Variants in ADAMTS20 observed in about 807,000 individuals in gnomAD.
ADAMTS20 encodes A disintegrin and metalloproteinase with thrombospondin motifs 20.
Under a neutral mutation model 260.1 loss-of-function variants are expected in ADAMTS20, and 225 were observed. The observed-to-expected ratio is 0.87, with a 90% CI of 0.78 to 0.97. The LOEUF (loss-of-function observed/expected upper bound fraction) is 0.97, where lower values mean the gene tolerates loss of function less well. Ranked by LOEUF, ADAMTS20 falls within the 50% of genes least tolerant of loss-of-function variation. The probability of loss-of-function intolerance (pLI) is 0.00; values close to 1 mark genes in which losing one functional copy is unlikely to be tolerated. For synonymous variants in ADAMTS20, 802 were observed against 769.5 expected, an observed-to-expected ratio of 1.04 and a Z score of -0.70; for missense variants, 2,400 against 2,337.7, an observed-to-expected ratio of 1.03 and a Z score of -0.55.
chr12:43,534,368 G>C (rs767103103), intron 2 of ADAMTS20, among the ~76,000 whole-genome samples: 1 of 152,168 alleles, frequency 6.6e-6, no homozygotes, highest in Non-Finnish European at 1.5e-5. Context: ...ATACATTAGT[G>C]TTGAAAATAT....
intron 9 of ADAMTS20, 61 bp from the exon 10 acceptor site, chr12:43,464,793 C>G: frequency 6.6e-7 from 1 of 1,505,816 alleles, no homozygotes; most frequent in Non-Finnish European, 8.9e-7. Flanking sequence ...CAGTATGATT[C>G]TTTATCACAT....
At chr12:43,416,449 A>G (rs1941131241) in intron 28 of ADAMTS20, among the ~76,000 whole-genome samples, 1 of 151,734 alleles carries the variant, frequency 6.6e-6, no homozygotes, top group Admixed American at 6.6e-5. Flanking sequence ...TCATATTTCT[A>G]ACTTTATGCC....
intron 3 of ADAMTS20, 100 bp downstream of exon 3, chr12:43,531,932 AAAAT>A (rs1565584386): frequency 1.1e-5 from 9 of 792,712 alleles, no homozygotes; most frequent in Non-Finnish European, 1.3e-5. Context: ...AAATTAATTA[AAAAT>A]AAATAAAATA....
chr12:43,500,998 C>G (rs1942750132), intron 4 of ADAMTS20, among the ~76,000 whole-genome samples: 2 of 150,452 alleles, frequency 1.3e-5, no homozygotes, highest in Admixed American at 6.6e-5. Context: ...AGAAGTACTT[C>G]CAGCAATGAG....
chr12:43,530,269 C>T (rs1049057222), intron 3 of ADAMTS20, among the ~76,000 whole-genome samples: 2 of 152,000 alleles, frequency 1.3e-5, no homozygotes, highest in East Asian at 3.9e-4. Flanking sequence ...CAGAATATTA[C>T]TTTGTGGTTT....
In ADAMTS20 at chr12:43,432,642, T is replaced by C; in HGVS notation, c.2890A>G (p.Asn964Asp). Residue 964 changes from asparagine to aspartate, a missense_variant, in exon 20 of 39, where the codon AAC becomes GAC. By Grantham distance (23) the Asn-to-Asp change is conservative (BLOSUM62 1). Transcript: ENST00000389420. ...KPPTQELCHG[N>D]CVFTRWHYSE... ...TAATGCCATCTTGTGAAGACACAGTTACCATGGCATAGTTCTTGGGTAGGA... is the reference window on the plus strand; with the variant it reads ...TAATGCCATCTTGTGAAGACACAGTCACCATGGCATAGTTCTTGGGTAGGA... 6.2e-7 allele frequency: 1 copy of C among 1,613,950 alleles called. No individual in the cohort carries two copies. The highest frequency in any genetic ancestry group is 8.5e-7 in the Non-Finnish European group (1 of 1,179,860).
At chr12:43,498,226 G>T (rs1240391836) in intron 4 of ADAMTS20, among the ~76,000 whole-genome samples, 1 of 152,110 alleles carries the variant, frequency 6.6e-6, no homozygotes, top group Non-Finnish European at 1.5e-5. Flanking sequence ...ACAACATTAA[G>T]TGCAACTAAA....
Position 43,376,592 on chromosome 12 carries a change from C to G in ADAMTS20, c.5057G>C (p.Gly1686Ala). ...GTTTAAACATAAGTCACTGGACAAACCATGTTTGGTAATGCATTTCACTTG... is the reference window on the plus strand; with the variant it reads ...GTTTAAACATAAGTCACTGGACAAAGCATGTTTGGTAATGCATTTCACTTG... ...KRQVKCITKH[G>A]LSSDLCLNHL... The change falls in exon 33 of 39, where the codon GGT (glycine) becomes GCT (alanine). Residue 1686 changes from glycine (G) to alanine (A), a missense_variant. Physicochemically the swap from Gly to Ala is moderately conservative, Grantham distance 60. Coordinates refer to ENST00000389420, the MANE Select transcript of ADAMTS20 (RefSeq NM_025003.5). 6.2e-7 allele frequency: 1 copy of G among 1,613,660 alleles called. No homozygotes were observed. Among genetic ancestry groups the G allele is most frequent in the Non-Finnish European group, 8.5e-7 (1 of 1,179,724 alleles).
At chr12:43,448,629 C>T (rs1044631648) in intron 14 of ADAMTS20, among the ~76,000 whole-genome samples, 49 of 151,956 alleles carry the variant, frequency 3.2e-4, no homozygotes, top group South Asian at 4.2e-4. Context: ...ACAGCAAAAA[C>T]TGGAAAATGA....
At chr12:43,439,854 T>C (rs565159710) in intron 17 of ADAMTS20, 43 bp downstream of exon 17, 27 of 1,571,672 alleles carry the variant, frequency 1.7e-5, no homozygotes, top group Non-Finnish European at 2.2e-5. Context: ...AGTTTACTAA[T>C]ATAATTAAAT....
At chr12:43,372,212 T>C (rs1039436253) in intron 36 of ADAMTS20, among the ~76,000 whole-genome samples, 11 of 152,186 alleles carry the variant, frequency 7.2e-5, no homozygotes, top group African/African-American at 1.2e-4. Flanking sequence ...CTGAATCCTA[T>C]AGCTCCTCAA....
chr12:43,428,575 T>C (rs1351518156), intron 25 of ADAMTS20, 44 bp from the exon 26 acceptor site: 4 of 1,495,788 alleles, frequency 2.7e-6, no homozygotes, highest in African/African-American at 1.4e-5. Context: ...CATTAATTTA[T>C]ATTTAATATC....
At position 43,377,731 on chromosome 12, in the gene ADAMTS20, C is replaced by A. The variant is rs574595847; in HGVS notation, c.4798-169G>T. ...AGGTTCAGACATTAGACAAGTTTCC[C>A]AGAGTTGTACCAATAAAGGAAAGAA... is the stretch of plus-strand genomic sequence containing the variant. On this transcript the variant is annotated intron_variant, in intron 31 of 38. Coordinates refer to ENST00000389420, the MANE Select transcript of ADAMTS20 (RefSeq NM_025003.5). Among the ~76,000 whole-genome samples, 42 of 152,178 alleles carry A rather than the reference C, an allele frequency of 2.8e-4. No individual in the cohort carries two copies. The South Asian group carries it at 8.7e-3, about 32-fold the overall frequency.
At chr12:43,521,525 C>T (rs1298134522) in intron 3 of ADAMTS20, among the ~76,000 whole-genome samples, 1 of 152,152 alleles carries the variant, frequency 6.6e-6, no homozygotes, top group Non-Finnish European at 1.5e-5. Flanking sequence ...ACACTTAAAT[C>T]CTTTGTTGAT....
At chr12:43,407,303 A>C (rs1015882396) in intron 28 of ADAMTS20, among the ~76,000 whole-genome samples, 3 of 151,770 alleles carry the variant, frequency 2.0e-5, no homozygotes, top group Non-Finnish European at 4.4e-5. Context: ...TATCCAGCAG[A>C]CTTCGATTAA....
chr12:43,369,611 C>A lies in ADAMTS20; in HGVS notation c.5447-230G>T, dbSNP rs987305680. On this transcript the variant is annotated intron_variant, in intron 36 of 38. Coordinates refer to ENST00000389420, the MANE Select transcript of ADAMTS20 (RefSeq NM_025003.5). ...TATCATAAATTGCCCTAACAAAGGG[C>A]AAGCACATTTGTAATTAAACAGAAG... 1.2e-4 allele frequency among the ~76,000 whole-genome samples: 18 copies of A among 151,956 alleles called. 1 individual carries two copies. The highest frequency in any genetic ancestry group is 4.1e-4 in the African/African-American group (17 of 41,388).
intron 37 of ADAMTS20, among the ~76,000 whole-genome samples, chr12:43,364,103 C>T (rs919747036): frequency 2.0e-5 from 3 of 152,062 alleles, no homozygotes; most frequent in South Asian, 4.1e-4. Context: ...ACTGTGCATG[C>T]CCAAGACTGT....
intron 2 of ADAMTS20, among the ~76,000 whole-genome samples, chr12:43,537,586 CCTGTTG>C (rs1387606226): frequency 6.6e-6 from 1 of 151,948 alleles, no homozygotes; most frequent in Non-Finnish European, 1.5e-5. Context: ...ACTATAGTCA[CCTGTTG>C]TACTAGCAAA....
intron 3 of ADAMTS20, among the ~76,000 whole-genome samples, chr12:43,516,110 G>C (rs1202501436): frequency 6.6e-6 from 1 of 151,948 alleles, no homozygotes; most frequent in East Asian, 1.9e-4. Flanking sequence ...AGGTCCAGTA[G>C]TCTGAGATGC....
Sources: gnomAD v4.1 joint callset for allele counts (sites outside exome capture counted in the v4.1 genomes callset) on GRCh38, gnomAD v4.1.1 for gene constraint, MANE v1.5 for transcripts, NCBI Gene and HGNC (gene_info 2026-07-23, HGNC 2026-07-21) for gene names.